FRK: variants seen among roughly 807,000 people sequenced by gnomAD.
FRK encodes the protein fyn related Src family tyrosine kinase.
A neutral mutation model predicts 56.4 loss-of-function variants in FRK; 51 were observed. That is an observed-to-expected ratio of 0.90 (90% CI 0.72 to 1.14). FRK has a LOEUF of 1.14. Ranked by LOEUF, FRK falls within the 50% of genes most tolerant of loss-of-function variation. The pLI, the probability that FRK is intolerant of heterozygous loss-of-function variation, is 0.00. For missense variants in FRK, 570 were observed against 601.4 expected (o/e 0.95, Z 0.55); for synonymous variants, 245 against 217.9 (o/e 1.12, Z -1.10).
At chr6:116,086,997 T>C in the FRK span, among the ~76,000 whole-genome samples, 1 of 152,202 alleles carries the variant, frequency 6.6e-6, no homozygotes, top group Non-Finnish European at 1.5e-5. Flanking sequence ...TTTCTAAAGG[T>C]AATGTGGGAG....
intron 2 of FRK, among the ~76,000 whole-genome samples, chr6:116,001,240 A>G (rs1001487165): frequency 5.3e-5 from 8 of 151,634 alleles, no homozygotes; most frequent in Non-Finnish European, 8.8e-5. Context: ...TCTGTCTGAA[A>G]AAAAAAAAAA....
chr6:116,078,835 A>T, the FRK span, among the ~76,000 whole-genome samples: 2 of 152,124 alleles, frequency 1.3e-5, no homozygotes, highest in Non-Finnish European at 2.9e-5. Context: ...AGAATTAACC[A>T]TCCCTAAAAG....
At chr6:116,062,061 G>GCATCAGC (rs1475906020), upstream of FRK, among the ~76,000 whole-genome samples, 2 of 151,428 alleles carry the variant, frequency 1.3e-5, no homozygotes, top group African/African-American at 4.9e-5. Flanking sequence ...GAGAACCATG[G>GCATCAGC]CATCAGCCCA....
the FRK span, among the ~76,000 whole-genome samples, chr6:116,100,575 T>C: frequency 1.3e-5 from 2 of 152,138 alleles, no homozygotes; most frequent in African/African-American, 4.8e-5. Context: ...AAAGGCTACG[T>C]GCCTACAGGT....
rs146384061 is a variant in FRK, at chr6:115,968,338, T to C, written c.630+238A>G. On this transcript the variant is annotated intron_variant, in intron 3 of 7. Coordinates refer to ENST00000606080, the MANE Select transcript of FRK (RefSeq NM_002031.3). ...CGTTGCACCTTCTAAACTCTGCTGTTATGGCACAAAAGAATCCAAAGAAAA... is the reference window on the plus strand; with the variant it reads ...CGTTGCACCTTCTAAACTCTGCTGTCATGGCACAAAAGAATCCAAAGAAAA... 2.6e-5 allele frequency among the ~76,000 whole-genome samples: 4 copies of C among 152,266 alleles called. No individual in the cohort carries two copies. In the East Asian group the frequency reaches 7.7e-4, roughly 29 times the overall value.
rs149939485 is a variant in FRK, at chr6:116,039,469, G to A, written c.344+20499C>T. On this transcript the variant is annotated intron_variant, in intron 1 of 7. Coordinates refer to ENST00000606080, the MANE Select transcript of FRK (RefSeq NM_002031.3). ...TGATGCTTCCCTCAAGCCCTAATTC[G>A]TGGACATCATCAATGCCAAACAATG... 22 of 1,549,026 alleles carry A rather than the reference G, an allele frequency of 1.4e-5. No individual in the cohort carries two copies. The East Asian group carries it at 2.0e-4, about 14-fold the overall frequency.
At chr6:116,053,895 T>C (rs1298457689) in intron 1 of FRK, among the ~76,000 whole-genome samples, 1 of 152,050 alleles carries the variant, frequency 6.6e-6, no homozygotes, top group Non-Finnish European at 1.5e-5. Context: ...CAAAGGTACT[T>C]TGAGATGCAT....
intron 1 of FRK, chr6:116,039,177 T>C: frequency 1.6e-6 from 2 of 1,223,326 alleles, no homozygotes; most frequent in Non-Finnish European, 2.4e-6. Flanking sequence ...CTGAGAAGTT[T>C]GTTTTCGAGA....
intron 2 of FRK, among the ~76,000 whole-genome samples, chr6:115,973,135 T>C (rs2114615431): frequency 6.6e-6 from 1 of 152,312 alleles, no homozygotes; most frequent in Admixed American, 6.5e-5. Flanking sequence ...CTGGAACACA[T>C]CCTTGCACTC....
At chr6:116,000,170 A>G (rs962330739) in intron 2 of FRK, among the ~76,000 whole-genome samples, 1 of 150,264 alleles carries the variant, frequency 6.7e-6, no homozygotes, top group Non-Finnish European at 1.5e-5. Flanking sequence ...TCAAAGATAT[A>G]ATTCAGGTAA....
intron 1 of FRK, among the ~76,000 whole-genome samples, chr6:116,054,110 GAGTT>G (rs1463914941): frequency 2.0e-5 from 3 of 151,458 alleles, no homozygotes; most frequent in African/African-American, 7.3e-5. Flanking sequence ...ATAACAAATT[GAGTT>G]AGTTATATTA....
At chr6:115,967,742 C>T in intron 3 of FRK, 23 bp from the exon 4 acceptor site, 3 of 1,360,136 alleles carry the variant, frequency 2.2e-6, no homozygotes, top group East Asian at 2.7e-5. Flanking sequence ...ATAATAAGAG[C>T]AATTGTTAAA....
chr6:116,022,392 A>G (rs918743767), intron 1 of FRK, among the ~76,000 whole-genome samples: 1 of 152,118 alleles, frequency 6.6e-6, no homozygotes, highest in Admixed American at 6.6e-5. Context: ...CTACAGATGA[A>G]TATCTCTTAT....
intron 1 of FRK, among the ~76,000 whole-genome samples, chr6:116,050,208 A>G (rs754067730): frequency 7.9e-5 from 12 of 152,162 alleles, no homozygotes; most frequent in Non-Finnish European, 1.2e-4. Context: ...ACGAGGCTAC[A>G]CTGTGACTAT....
At chr6:116,062,339 T>C (rs1477460679), upstream of FRK, among the ~76,000 whole-genome samples, 1 of 151,782 alleles carries the variant, frequency 6.6e-6, no homozygotes, top group Admixed American at 6.6e-5. Flanking sequence ...TAATACCAAA[T>C]GACCATAAAG....
At chr6:116,042,335 T>C (rs572626706) in intron 1 of FRK, among the ~76,000 whole-genome samples, 2 of 152,016 alleles carry the variant, frequency 1.3e-5, no homozygotes, top group Admixed American at 6.6e-5. Context: ...AGCAGACTTA[T>C]ACATTCCTGC....
intron 4 of FRK, among the ~76,000 whole-genome samples, chr6:115,961,732 G>A (rs1406929446): frequency 0.018 from 785 of 43,696 alleles, 293 homozygotes; most frequent in African/African-American, 0.061. Flanking sequence ...GAGACTGGGG[G>A]CCAATATTCA....
Position 116,060,368 on chromosome 6 carries a change from G to T in FRK, c.-57C>A. 1 of 1,385,620 alleles carries T rather than the reference G, an allele frequency of 7.2e-7. No individual in the cohort carries two copies. The highest frequency in any genetic ancestry group is 1.0e-6 in the Non-Finnish European group (1 of 999,594). 85.8% of individuals were successfully genotyped at this position (1,385,620 alleles called of 1,614,324 possible). On this transcript the variant is annotated 5_prime_UTR_variant, in exon 1 of 8. Coordinates refer to ENST00000606080, the MANE Select transcript of FRK (RefSeq NM_002031.3). ...TTCTCCCTCTCCCCTTAGTCTCTGC[G>T]ATCCACCTTATCTTCCTTCACCAGG...
At chr6:115,958,716 A>AAAGAAAGAAAG (rs1773167008) in intron 4 of FRK, among the ~76,000 whole-genome samples, 1 of 20,280 alleles carries the variant, frequency 4.9e-5, no homozygotes, top group African/African-American at 2.0e-4. Flanking sequence ...AGAAAGAAAG[A>AAAGAAAGAAAG]AAGAAAGAAA....
Sources: allele counts gnomAD v4.1 joint callset (sites outside exome capture counted in the v4.1 genomes callset), GRCh38; gene constraint gnomAD v4.1.1; transcripts MANE v1.5; gene names NCBI Gene and HGNC (gene_info 2026-07-23, HGNC 2026-07-21).